The following PDE10A variants were observed in gnomAD, a reference collection of about 807,000 sequenced individuals.
The protein encoded by PDE10A is phosphodiesterase 10A.
In PDE10A, 39 loss-of-function variants were observed where a neutral mutation model predicts 97.7. The ratio of observed to expected loss-of-function variants is 0.40; its 90% CI spans 0.31 to 0.52. The LOEUF is 0.52. Ranked by LOEUF, PDE10A falls within the 20% of genes least tolerant of loss-of-function variation. The pLI, the probability that PDE10A is intolerant of heterozygous loss-of-function variation, is 0.56. For missense variants in PDE10A, 731 were observed against 1,047.8 expected, an observed-to-expected ratio of 0.70 and a Z score of 4.17; for synonymous variants, 371 against 376.8, an observed-to-expected ratio of 0.98 and a Z score of 0.18.
intron 1 of PDE10A, among the ~76,000 whole-genome samples, chr6:165,644,879 C>G (rs1195186532): frequency 1.3e-5 from 2 of 152,196 alleles, no homozygotes; most frequent in African/African-American, 4.8e-5. Context: ...GCGTGATTGT[C>G]TGGATTTACG....
At chr6:165,734,950 GTAGATAGATAGA>G (rs60771144) in intron 1 of PDE10A, among the ~76,000 whole-genome samples, 4,057 of 150,712 alleles carry the variant, frequency 0.027, 193 homozygotes, top group African/African-American at 0.092. Context: ...CAATAAGAAA[GTAGATAGATAGA>G]TAGATAGATA....
At chr6:165,983,797 T>C (rs1785093714) in intron 1 of PDE10A, among the ~76,000 whole-genome samples, 1 of 152,200 alleles carries the variant, frequency 6.6e-6, no homozygotes, top group South Asian at 2.1e-4. Flanking sequence ...ACAACAGCAC[T>C]GAGTTTGAGA....
chr6:165,435,861 A>T (rs1365507869), intron 5 of PDE10A, among the ~76,000 whole-genome samples: 1 of 152,164 alleles, frequency 6.6e-6, no homozygotes, highest in African/African-American at 2.4e-5. Context: ...CACTCACATT[A>T]CTTCGACTGG....
At chr6:165,532,144 TTGGAA>T (rs1392378908) in intron 2 of PDE10A, among the ~76,000 whole-genome samples, 6 of 152,102 alleles carry the variant, frequency 3.9e-5, no homozygotes, top group Non-Finnish European at 8.8e-5. Context: ...TGGCTTCTAA[TTGGAA>T]TTGTTTGTGC....
chr6:165,778,044 T>C (rs76851874), intron 1 of PDE10A, among the ~76,000 whole-genome samples: 14,061 of 152,150 alleles, frequency 0.092, 2,038 homozygotes, highest in African/African-American at 0.31. Flanking sequence ...TTTTTTTTCA[T>C]TTTTGCTACA....
At chr6:165,976,426 A>C (rs1023910138) in intron 1 of PDE10A, among the ~76,000 whole-genome samples, 2 of 152,180 alleles carry the variant, frequency 1.3e-5, no homozygotes, top group Non-Finnish European at 2.9e-5. Context: ...ATTCACTTCA[A>C]GTTAAGAAAA....
Position 165,396,297 on chromosome 6 carries a change from T to A in PDE10A, c.2219+20A>T. 6.2e-7 allele frequency: 1 copy of A among 1,605,560 alleles called. No homozygotes were observed. The highest frequency in any genetic ancestry group is 8.5e-7 in the Non-Finnish European group (1 of 1,176,114). On this transcript the variant is annotated intron_variant, in intron 14 of 21. Coordinates refer to ENST00000539869, the MANE Select transcript of PDE10A (RefSeq NM_001385079.1). ...AATTAAAAATGGTTCCTGAAGAAAC[T>A]GACAGAGCAACATACTTACAATTCA...
intron 1 of PDE10A, chr6:165,949,648 T>C (rs924050326): frequency 1.3e-5 from 2 of 152,196 alleles, no homozygotes; most frequent in Non-Finnish European, 2.9e-5. Context: ...GTAGGAGATC[T>C]CTTTAGAAGA....
At chr6:165,461,064 T>C (rs1213930204) in intron 3 of PDE10A, among the ~76,000 whole-genome samples, 2 of 150,114 alleles carry the variant, frequency 1.3e-5, no homozygotes, top group African/African-American at 2.5e-5. Context: ...AATTAGTTAC[T>C]GAACAATTAG....
intron 1 of PDE10A, among the ~76,000 whole-genome samples, chr6:165,700,096 A>C (rs1791531457): frequency 6.6e-6 from 1 of 152,242 alleles, no homozygotes. Flanking sequence ...AGTAACCCAG[A>C]TGTCCATCAA....
At chr6:165,499,983 T>C (rs890855467) in intron 2 of PDE10A, among the ~76,000 whole-genome samples, 3 of 152,172 alleles carry the variant, frequency 2.0e-5, no homozygotes, top group Non-Finnish European at 4.4e-5. Flanking sequence ...ACAGGTAGCA[T>C]CACACCTAAT....
intron 1 of PDE10A, among the ~76,000 whole-genome samples, chr6:165,691,114 C>G (rs1202865161): frequency 2.1e-5 from 2 of 94,620 alleles, no homozygotes; most frequent in South Asian, 1.0e-3. Context: ...TCTCCCCCCC[C>G]CCATCAGTGC....
At chr6:165,606,478 G>A (rs577928927) in intron 1 of PDE10A, among the ~76,000 whole-genome samples, 4 of 152,290 alleles carry the variant, frequency 2.6e-5, no homozygotes, top group Non-Finnish European at 4.4e-5. Flanking sequence ...CAGGGGATGG[G>A]AGCGTGGGAA....
intron 1 of PDE10A, among the ~76,000 whole-genome samples, chr6:165,950,267 C>G (rs976752460): frequency 6.6e-6 from 1 of 152,176 alleles, no homozygotes; most frequent in Non-Finnish European, 1.5e-5. Flanking sequence ...AAAGTACAGT[C>G]TTTGTTAAAT....
At chr6:165,592,054 T>G (rs866974605) in intron 1 of PDE10A, among the ~76,000 whole-genome samples, 1 of 152,174 alleles carries the variant, frequency 6.6e-6, no homozygotes, top group East Asian at 1.9e-4. Context: ...GACTTCAAAC[T>G]ATACTACAAC....
intron 1 of PDE10A, among the ~76,000 whole-genome samples, chr6:165,924,327 T>G (rs1241181777): frequency 1.3e-5 from 2 of 152,210 alleles, no homozygotes. Flanking sequence ...GTCTCCATGT[T>G]GGATAGAAGA....
At chr6:165,511,730 T>C (rs973054309) in intron 2 of PDE10A, among the ~76,000 whole-genome samples, 13 of 152,054 alleles carry the variant, frequency 8.5e-5, no homozygotes, top group Non-Finnish European at 1.8e-4. Context: ...AGAGTTATTA[T>C]ATCCTCTTGA....
intron 2 of PDE10A, among the ~76,000 whole-genome samples, chr6:165,527,529 T>C (rs1351679513): frequency 6.6e-6 from 1 of 152,166 alleles, no homozygotes; most frequent in Non-Finnish European, 1.5e-5. Context: ...CTACTCTCCT[T>C]TTGAGAGACA....
chr6:165,373,445 G>C (rs189432557), intron 18 of PDE10A, among the ~76,000 whole-genome samples: 1 of 152,148 alleles, frequency 6.6e-6, no homozygotes, highest in Non-Finnish European at 1.5e-5. Context: ...CTTCTCAAAA[G>C]AAGACATTTA....
Sources: gnomAD v4.1 joint callset for allele counts (sites outside exome capture counted in the v4.1 genomes callset) on GRCh38, gnomAD v4.1.1 for gene constraint, MANE v1.5 for transcripts, NCBI Gene and HGNC (gene_info 2026-07-23, HGNC 2026-07-21) for gene names.